The following DMBT1 variants were observed in gnomAD, a reference collection of about 807,000 sequenced individuals.
DMBT1 encodes scavenger receptor cysteine-rich domain-containing protein DMBT1.
A neutral mutation model predicts 252.9 loss-of-function variants in DMBT1; 198 were observed. That is an observed-to-expected ratio of 0.78 (90% CI 0.70 to 0.88). The LOEUF is 0.88. DMBT1 is among the 40% of genes least tolerant of loss of function. The probability of loss-of-function intolerance (pLI) is 0.00; values close to 1 mark genes in which losing one functional copy is unlikely to be tolerated. For missense variants in DMBT1, 2,432 were observed against 2,404.7 expected (o/e 1.01, Z -0.24); for synonymous variants, 990 against 942.7 (o/e 1.05, Z -0.92).
At chr10:122,618,730 A>C (rs1003702424) in intron 41 of DMBT1, among the ~76,000 whole-genome samples, 2 of 152,220 alleles carry the variant, frequency 1.3e-5, no homozygotes, top group Admixed American at 6.5e-5. Flanking sequence ...CTGTGAACTA[A>C]AGATGCTTGT....
intron 40 of DMBT1, among the ~76,000 whole-genome samples, chr10:122,617,619 C>A (rs183402547): frequency 6.6e-6 from 1 of 151,614 alleles, no homozygotes. Flanking sequence ...AGCTGTCTGG[C>A]CAAGTCCTTG....
Position 122,575,157 on chromosome 10 carries a change from G to A in DMBT1, c.284-1242G>A, listed in dbSNP as rs780732111. ...CTAATGTGAAAAACAAGGCAAGTAT[G>A]CCCTCCATCTCCACTGCTGTTCAAT... is the stretch of plus-strand genomic sequence containing the variant. On this transcript the variant is annotated intron_variant, in intron 6 of 55. Coordinates refer to ENST00000338354, the MANE Select transcript of DMBT1 (RefSeq NM_001377530.1). 2.0e-4 allele frequency among the ~76,000 whole-genome samples: 30 copies of A among 152,198 alleles called. 1 individual carries two copies. The highest frequency in any genetic ancestry group is 4.0e-4 in the Non-Finnish European group (27 of 68,038).
In DMBT1 at chr10:122,592,254, T is replaced by C; in HGVS notation, c.2177-18T>C. 6.3e-7 allele frequency: 1 copy of C among 1,585,122 alleles called. No individual in the cohort carries two copies. The highest frequency in any genetic ancestry group is 2.3e-5 in the East Asian group (1 of 42,692). ...CTCATGGTAGGGATGGATAAAGGGT[T>C]CTTGTGTTCCCCTGTAGGATCTGAA... is the stretch of plus-strand genomic sequence containing the variant. On this transcript the variant is annotated intron_variant, in intron 19 of 55. Transcript: ENST00000338354.
At chr10:122,641,600 G>C (rs1844542663) in intron 55 of DMBT1, among the ~76,000 whole-genome samples, 2 of 152,194 alleles carry the variant, frequency 1.3e-5, no homozygotes, top group African/African-American at 4.8e-5. Context: ...AGGGGAGAAA[G>C]CTTAACCAGA....
At chr10:122,639,234 A>G (rs546861004) in intron 54 of DMBT1, among the ~76,000 whole-genome samples, 1 of 152,372 alleles carries the variant, frequency 6.6e-6, no homozygotes, top group Non-Finnish European at 1.5e-5. Context: ...CATGCAAATG[A>G]TCATGTTAAT....
chr10:122,567,941 A>G (rs902850381), intron 2 of DMBT1, among the ~76,000 whole-genome samples: 1 of 152,220 alleles, frequency 6.6e-6, no homozygotes, highest in African/African-American at 2.4e-5. Flanking sequence ...CCTGGAGACC[A>G]GTGAATCCTC....
rs373991854 is a variant in DMBT1, at chr10:122,619,001, C to T, written c.5216-307C>T. On this transcript the variant is annotated intron_variant, in intron 41 of 55. Transcript: ENST00000338354. ...ACACAAGGCATTTGGGCTGGAGTGG[C>T]CTCCTCAGCCTTGCTGACTCAGGAA... 3.9e-5 allele frequency among the ~76,000 whole-genome samples: 6 copies of T among 152,314 alleles called. No individual in the cohort carries two copies. The East Asian group carries it at 9.7e-4, about 25-fold the overall frequency.
At chr10:122,628,069 G>C (rs1265454842) in intron 46 of DMBT1, among the ~76,000 whole-genome samples, 1 of 152,208 alleles carries the variant, frequency 6.6e-6, no homozygotes, top group Non-Finnish European at 1.5e-5. Flanking sequence ...CACGGCTGCA[G>C]GGAATGTAAA....
chr10:122,590,783 T>C (rs2097843618), intron 18 of DMBT1, 89 bp downstream of exon 18: 2 of 1,467,528 alleles, frequency 1.4e-6, no homozygotes, highest in Non-Finnish European at 1.9e-6. Context: ...CCTTCTTACC[T>C]GTGTGGATAC....
chr10:122,637,092 C>A, intron 53 of DMBT1, 36 bp from the exon 54 acceptor site: 1 of 1,595,322 alleles, frequency 6.3e-7, no homozygotes. Flanking sequence ...GAGTCTGGGG[C>A]AGTGACTGAG....
chr10:122,599,112 A>C lies in DMBT1; in HGVS notation c.3280+15A>C, dbSNP rs774104924. The C allele has an allele frequency of 2.5e-6, 4 of 1,613,784 alleles. 1 individual carries two copies. The South Asian group carries it at 3.3e-5, about 13-fold the overall frequency. On this transcript the variant is annotated intron_variant, in intron 26 of 55. Transcript: ENST00000338354. Reference sequence around the variant, plus strand: ...CATCTGCTCAGGTGGGCCTTCAAGAACTTGGGATCACTCTCTTGGGGTGGA... The same window carrying C: ...CATCTGCTCAGGTGGGCCTTCAAGACCTTGGGATCACTCTCTTGGGGTGGA...
intron 8 of DMBT1, among the ~76,000 whole-genome samples, chr10:122,578,243 C>A (rs1048047835): frequency 9.9e-5 from 15 of 152,282 alleles, no homozygotes; most frequent in Admixed American, 8.5e-4. Flanking sequence ...ACTTGAAAAA[C>A]CCCCAGATTC....
chr10:122,576,497 G>T lies in DMBT1; in HGVS notation c.382G>T (p.Asp128Tyr), dbSNP rs1483313555. The change falls in exon 7 of 56, where the codon GAT becomes TAT. Residue 128 changes from aspartate to tyrosine, a missense_variant. Coordinates refer to ENST00000338354, the MANE Select transcript of DMBT1 (RefSeq NM_001377530.1). ...CCGAGGCTCCTGGGGCACCGTGTGT[G>T]ATGACAGCTGGGACACCAATGATGC... Reference protein sequence around the residue: ...LYRGSWGTVCDDSWDTNDANV... With the variant: ...LYRGSWGTVCYDSWDTNDANV... 1 of 1,613,886 alleles carries T rather than the reference G, an allele frequency of 6.2e-7. No individual in the cohort carries two copies. The highest frequency in any genetic ancestry group is 8.5e-7 in the Non-Finnish European group (1 of 1,179,890).
intron 5 of DMBT1, among the ~76,000 whole-genome samples, chr10:122,573,465 T>G (rs2097684128): frequency 6.6e-6 from 1 of 152,206 alleles, no homozygotes; most frequent in Non-Finnish European, 1.5e-5. Context: ...GGTGACTTTT[T>G]GAATAGAGGC....
At chr10:122,637,373 C>T in intron 54 of DMBT1, 61 bp downstream of exon 54, 1 of 1,452,188 alleles carries the variant, frequency 6.9e-7, no homozygotes, top group Non-Finnish European at 9.2e-7. Context: ...GCGGTATGTC[C>T]TGTGCTTCTT....
intron 19 of DMBT1, among the ~76,000 whole-genome samples, chr10:122,591,996 T>C (rs2097853040): frequency 6.7e-6 from 1 of 148,848 alleles, no homozygotes; most frequent in Non-Finnish European, 1.5e-5. Flanking sequence ...CTCCATCCTG[T>C]GTGTGCTCAG....
chr10:122,576,265 C>A (rs2097711020), intron 6 of DMBT1, 134 bp from the exon 7 acceptor site: 2 of 1,303,550 alleles, frequency 1.5e-6, no homozygotes, highest in Admixed American at 2.6e-5. Flanking sequence ...AACCTTAAGG[C>A]CTGTTAAAGC....
In DMBT1 at chr10:122,621,246, G is replaced by A. The variant is rs953311912; in HGVS notation, c.5474G>A (p.Gly1825Asp). Residue 1825 changes from glycine (G) to aspartate (D), a missense_variant, in exon 44 of 56, where the codon GGC (glycine) becomes GAC (aspartate). Physicochemically the swap from Gly to Asp is moderately conservative, Grantham distance 94. Coordinates refer to ENST00000338354, the MANE Select transcript of DMBT1 (RefSeq NM_001377530.1). ...AMSAPGNARF[G>D]QGSGPIVLDD... ...TCGGCCCCAGGAAATGCCCGGTTTG[G>A]CCAGGGCTCAGGACCCATTGTCCTG... The A allele has an allele frequency of 1.9e-6, 3 of 1,613,692 alleles. No individual in the cohort carries two copies. In the African/African-American group the frequency reaches 4.0e-5, roughly 22 times the overall value.
At chr10:122,598,671 C>A (rs2097909000) in intron 25 of DMBT1, 103 bp from the exon 26 acceptor site, 21 of 1,580,820 alleles carry the variant, frequency 1.3e-5, no homozygotes, top group Non-Finnish European at 1.7e-5. Context: ...GACTGCCTGC[C>A]CAGGTGACTT....
Sources: allele counts gnomAD v4.1 joint callset (sites outside exome capture counted in the v4.1 genomes callset), GRCh38; gene constraint gnomAD v4.1.1; transcripts MANE v1.5; gene names NCBI Gene and HGNC (gene_info 2026-07-23, HGNC 2026-07-21).